NEDD4L: variants seen among roughly 807,000 people sequenced by gnomAD.
The protein encoded by NEDD4L is E3 ubiquitin-protein ligase NEDD4-like.
In NEDD4L, 54 loss-of-function variants were observed where a neutral mutation model predicts 148.9. The ratio of observed to expected loss-of-function variants is 0.36; its 90% CI spans 0.29 to 0.45. The LOEUF (loss-of-function observed/expected upper bound fraction) is 0.45, where lower values mean the gene tolerates loss of function less well. Ranked by LOEUF, NEDD4L falls within the 20% of genes least tolerant of loss-of-function variation. NEDD4L has a pLI of 1.00. For synonymous variants in NEDD4L, 433 were observed against 440.7 expected (o/e 0.98, Z 0.22); for missense variants, 856 against 1,233.8 (o/e 0.69, Z 4.59).
chr18:58,285,839 C>G (rs1022264046), intron 5 of NEDD4L, among the ~76,000 whole-genome samples: 14 of 152,164 alleles, frequency 9.2e-5, no homozygotes, highest in African/African-American at 3.4e-4. Flanking sequence ...CAGTTGTTTT[C>G]CTCATTCTTC....
chr18:58,065,991 G>A (rs938067583), intron 1 of NEDD4L, among the ~76,000 whole-genome samples: 5 of 152,148 alleles, frequency 3.3e-5, no homozygotes, highest in Admixed American at 2.0e-4. Flanking sequence ...AATGCCTAGT[G>A]TTTAAAGAAT....
At chr18:58,211,425 T>C (rs2042591265) in intron 2 of NEDD4L, among the ~76,000 whole-genome samples, 1 of 152,238 alleles carries the variant, frequency 6.6e-6, no homozygotes, top group South Asian at 2.1e-4. Context: ...TAAGTATTTC[T>C]TTCACAATAG....
intron 1 of NEDD4L, among the ~76,000 whole-genome samples, chr18:58,083,951 G>A (rs1368643540): frequency 3.3e-5 from 5 of 152,170 alleles, no homozygotes; most frequent in African/African-American, 9.7e-5. Context: ...GCCTGGTCTT[G>A]AACTCCTGAC....
intron 1 of NEDD4L, among the ~76,000 whole-genome samples, chr18:58,164,239 A>C (rs1018865003): frequency 6.6e-6 from 1 of 151,722 alleles, no homozygotes; most frequent in African/African-American, 2.4e-5. Context: ...GCACACCCCC[A>C]CAGAAGCCTT....
At chr18:58,361,526 G>A in intron 19 of NEDD4L, among the ~76,000 whole-genome samples, 1 of 152,170 alleles carries the variant, frequency 6.6e-6, no homozygotes, top group Non-Finnish European at 1.5e-5. Context: ...TTTCCAATTT[G>A]TCAGAAGCTC....
chr18:58,076,328 G>A (rs776984050), intron 1 of NEDD4L, among the ~76,000 whole-genome samples: 3 of 152,164 alleles, frequency 2.0e-5, no homozygotes, highest in Non-Finnish European at 4.4e-5. Context: ...GATTCCATTC[G>A]TAATACATAA....
intron 18 of NEDD4L, among the ~76,000 whole-genome samples, chr18:58,353,106 TGAG>T (rs1237718178): frequency 6.6e-6 from 1 of 152,224 alleles, no homozygotes; most frequent in Non-Finnish European, 1.5e-5. Flanking sequence ...TGAACTCACT[TGAG>T]GAGCAGTAGG....
rs189328447 is a variant in NEDD4L, at chr18:58,329,195, A to G, written c.813+68A>G. ...TTCCCATGTTCTCCAGCTTGATTTT[A>G]TATCATAATTTCTTCTGTCAGTAAA... On this transcript the variant is annotated intron_variant, in intron 10 of 30. Coordinates refer to ENST00000400345, the MANE Select transcript of NEDD4L (RefSeq NM_001144967.3). The G allele has an allele frequency of 1.4e-3, 2,208 of 1,523,336 alleles. 7 individuals are homozygous for G. The highest frequency in any genetic ancestry group is 2.6e-3 in the Admixed American group (137 of 53,574). The allele number at this position is 1,523,336 out of a possible 1,614,324, so 94.4% of individuals were successfully genotyped here. A position where few individuals can be genotyped will look rare whatever the true frequency, so the allele number is the denominator to read the frequency against.
intron 24 of NEDD4L, among the ~76,000 whole-genome samples, chr18:58,378,498 G>A (rs2047877168): frequency 6.6e-6 from 1 of 152,200 alleles, no homozygotes; most frequent in African/African-American, 2.4e-5. Flanking sequence ...CTGAGGCCCC[G>A]GCCCCTTCAG....
chr18:58,161,193 G>T (rs535226197), intron 1 of NEDD4L, among the ~76,000 whole-genome samples: 10 of 152,102 alleles, frequency 6.6e-5, no homozygotes, highest in African/African-American at 2.4e-4. Context: ...AGCACGTCCA[G>T]CTAGTTTTAT....
intron 1 of NEDD4L, among the ~76,000 whole-genome samples, chr18:58,105,969 G>T (rs940970802): frequency 6.6e-6 from 1 of 152,218 alleles, no homozygotes; most frequent in African/African-American, 2.4e-5. Context: ...TATGAAAAAA[G>T]AAACCTTAGG....
In NEDD4L at chr18:58,366,939, G is replaced by A. The variant is rs1403504173; in HGVS notation, c.2063+711G>A. On this transcript the variant is annotated intron_variant, in intron 21 of 30. Coordinates refer to ENST00000400345, the MANE Select transcript of NEDD4L (RefSeq NM_001144967.3). The surrounding 1 kb of genome is among the most constrained non-coding windows in gnomAD (Gnocchi z 4.2). ...TCCCACCTGGTACCAGTCTCCTGGG[G>A]GCTCATTTGGAAGGCCGCCTCAGTA... Among the ~76,000 whole-genome samples, 1 of 152,200 alleles carries A rather than the reference G, an allele frequency of 6.6e-6. No individual in the cohort carries two copies. Among genetic ancestry groups the A allele is most frequent in the Non-Finnish European group, 1.5e-5 (1 of 68,034 alleles).
At chr18:58,223,128 G>T (rs2043955666) in intron 2 of NEDD4L, among the ~76,000 whole-genome samples, 1 of 151,738 alleles carries the variant, frequency 6.6e-6, no homozygotes, top group Non-Finnish European at 1.5e-5. Context: ...TGGAAGTCAA[G>T]AAGAGAGGAA....
chr18:58,204,415 T>A (rs2041769207), intron 2 of NEDD4L, among the ~76,000 whole-genome samples: 1 of 152,252 alleles, frequency 6.6e-6, no homozygotes, highest in East Asian at 1.9e-4. Context: ...AATGGTGATT[T>A]ACTTATTCAC....
At chr18:58,214,843 A>G (rs1419900699) in intron 2 of NEDD4L, among the ~76,000 whole-genome samples, 2 of 138,536 alleles carry the variant, frequency 1.4e-5, no homozygotes, top group African/African-American at 5.3e-5. Context: ...ACAGAGTCTC[A>G]CTGTGTCACC....
intron 20 of NEDD4L, among the ~76,000 whole-genome samples, chr18:58,365,110 G>GTT (rs1164546977): frequency 6.6e-6 from 1 of 152,176 alleles, no homozygotes; most frequent in Non-Finnish European, 1.5e-5. Flanking sequence ...GGTTCCTCCT[G>GTT]CCCGGGAACA....
At chr18:58,303,794 T>C (rs2056766202) in intron 5 of NEDD4L, among the ~76,000 whole-genome samples, 2 of 152,182 alleles carry the variant, frequency 1.3e-5, no homozygotes, top group South Asian at 4.1e-4. Context: ...CACTCTTGAG[T>C]GTTAGCATGG....
At chr18:58,099,246 G>A (rs1251735530) in intron 1 of NEDD4L, among the ~76,000 whole-genome samples, 4 of 151,648 alleles carry the variant, frequency 2.6e-5, no homozygotes, top group Non-Finnish European at 5.9e-5. Flanking sequence ...TGGTGCCGTC[G>A]TAGCTCACTG....
At chr18:58,380,296 TTTTA>T (rs550029276) in intron 24 of NEDD4L, among the ~76,000 whole-genome samples, 2,948 of 141,794 alleles carry the variant, frequency 0.021, 91 homozygotes, top group African/African-American at 0.069. Flanking sequence ...TTCTTTTTTA[TTTTA>T]TTTATTTATT....
Sources: gnomAD v4.1 joint callset for allele counts (sites outside exome capture counted in the v4.1 genomes callset) on GRCh38, gnomAD v4.1.1 for gene constraint, Gnocchi (gnomAD v3.1) non-coding constraint, MANE v1.5 for transcripts, NCBI Gene and HGNC (gene_info 2026-07-23, HGNC 2026-07-21) for gene names.